The following NUP210 variants were observed in gnomAD, a reference collection of about 807,000 sequenced individuals.
The protein encoded by NUP210 is nucleoporin 210.
NUP210 carries 151 observed loss-of-function variants against 196.0 expected under a neutral mutation model. That is an observed-to-expected ratio of 0.77 (90% confidence interval 0.67 to 0.88). The LOEUF is 0.88. Among genes scored for constraint, NUP210 ranks in the 40% least tolerant of loss-of-function variants. The pLI, the probability that NUP210 is intolerant of heterozygous loss-of-function variation, is 0.00. For missense variants in NUP210, 2,314 were observed against 2,493.7 expected (o/e 0.93, Z 1.53); for synonymous variants, 1,070 against 1,052.7 (o/e 1.02, Z -0.32).
intron 22 of NUP210, 34 bp downstream of exon 22, chr3:13,341,962 G>A: frequency 1.2e-6 from 2 of 1,613,786 alleles, no homozygotes; most frequent in Non-Finnish European, 1.7e-6. Flanking sequence ...CACTGTCTCT[G>A]AGGTGCCCTC....
intron 11 of NUP210, 106 bp from the exon 12 acceptor site, chr3:13,373,979 C>G (rs1289608000): frequency 1.6e-6 from 2 of 1,278,790 alleles, no homozygotes; most frequent in African/African-American, 1.5e-5. Context: ...CACACTCATA[C>G]ACATTTATCC....
chr3:13,329,190 T>C (rs764197225), intron 30 of NUP210, among the ~76,000 whole-genome samples: 1 of 152,112 alleles, frequency 6.6e-6, no homozygotes, highest in Non-Finnish European at 1.5e-5. Context: ...CACCCAGGAG[T>C]GTCCCAATCC....
intron 20 of NUP210, 38 bp from the exon 21 acceptor site, chr3:13,343,341 G>GGGGGGGGGGGGGGGT: frequency 8.2e-7 from 1 of 1,217,962 alleles, no homozygotes. Flanking sequence ...GTGGGTGGTG[G>GGGGGGGGGGGGGGGT]GTTACGCAGC....
chr3:13,381,161 T>C (rs1039297669), intron 6 of NUP210, among the ~76,000 whole-genome samples: 3 of 152,260 alleles, frequency 2.0e-5, no homozygotes, highest in Non-Finnish European at 4.4e-5. Flanking sequence ...GCATCAAAGA[T>C]AAATGTCAGA....
chr3:13,347,860 C>G lies in NUP210; in HGVS notation c.2835+4019G>C, dbSNP rs866531001. On this transcript the variant is annotated intron_variant, in intron 20 of 39. Transcript: ENST00000254508. This position sits in a 1 kb window ranked among gnomAD's most constrained non-coding sequence, Gnocchi z 4.7. Reference sequence around the variant, plus strand: ...TTCCTCCTGCAGGCTTCAGAAGAGACCAGAGGAACCAGGGCCTGATTGGAG... The same window carrying G: ...TTCCTCCTGCAGGCTTCAGAAGAGAGCAGAGGAACCAGGGCCTGATTGGAG... Among the ~76,000 whole-genome samples the G allele has an allele frequency of 2.0e-5, 3 of 152,156 alleles. No homozygotes were observed. The highest frequency in any genetic ancestry group is 2.1e-4 in the South Asian group (1 of 4,818).
intron 28 of NUP210, among the ~76,000 whole-genome samples, chr3:13,334,247 C>A (rs565647518): frequency 8.5e-5 from 13 of 152,354 alleles, no homozygotes; most frequent in African/African-American, 9.6e-5. Context: ...AGTGACCCAA[C>A]TGAGGTTACA....
Position 13,334,966 on chromosome 3 carries a change from C to T in NUP210, c.3843+488G>A, listed in dbSNP as rs74881187. Among the ~76,000 whole-genome samples the T allele has an allele frequency of 5.9e-3, 900 of 152,364 alleles. 4 individuals carry two copies. Among genetic ancestry groups the T allele is most frequent in the Non-Finnish European group, 7.7e-3 (527 of 68,030 alleles). Reference sequence around the variant, plus strand: ...CTTACCCTGTGACCTTGACCCTCCCCGCCTCAGGGGCATCAGCAGGTGGCA... The same window carrying T: ...CTTACCCTGTGACCTTGACCCTCCCTGCCTCAGGGGCATCAGCAGGTGGCA... On this transcript the variant is annotated intron_variant, in intron 28 of 39. Coordinates refer to ENST00000254508, the MANE Select transcript of NUP210 (RefSeq NM_024923.4).
At chr3:13,338,290 T>C (rs545806587) in intron 25 of NUP210, among the ~76,000 whole-genome samples, 188 of 152,302 alleles carry the variant, frequency 1.2e-3, no homozygotes, top group African/African-American at 4.4e-3. Context: ...AAATCCAGCC[T>C]GCCTGTCTCT....
intron 2 of NUP210, among the ~76,000 whole-genome samples, chr3:13,398,317 C>A (rs189904015): frequency 4.6e-5 from 7 of 152,256 alleles, no homozygotes; most frequent in African/African-American, 1.7e-4. Context: ...GTGGCACATG[C>A]CTACAATCCC....
At position 13,392,194 on chromosome 3, in the gene NUP210, G is replaced by A. The variant is rs143329743; in HGVS notation, c.437-887C>T. ...AAGGGCAAGGTATTTAGAGTCTGACGGGCCTGGGGTCCTGCTTCTCTTCAC... is the reference window on the plus strand; with the variant it reads ...AAGGGCAAGGTATTTAGAGTCTGACAGGCCTGGGGTCCTGCTTCTCTTCAC... On this transcript the variant is annotated intron_variant, in intron 3 of 39. Coordinates refer to ENST00000254508, the MANE Select transcript of NUP210 (RefSeq NM_024923.4). 1.5e-3 allele frequency among the ~76,000 whole-genome samples: 222 copies of A among 152,262 alleles called. 2 individuals carry two copies. The highest frequency in any genetic ancestry group is 4.8e-3 in the African/African-American group (201 of 41,546).
At chr3:13,406,248 T>G (rs1699996839) in intron 1 of NUP210, among the ~76,000 whole-genome samples, 1 of 152,022 alleles carries the variant, frequency 6.6e-6, no homozygotes, top group African/African-American at 2.4e-5. Context: ...CAGAGTCTGA[T>G]ATAAGCTGCC....
intron 25 of NUP210, 61 bp downstream of exon 25, chr3:13,339,793 C>G: frequency 6.8e-7 from 1 of 1,469,010 alleles, no homozygotes; most frequent in Non-Finnish European, 9.4e-7. Context: ...AGAACTCAAA[C>G]ACAGTAAAGA....
At chr3:13,397,834 G>A (rs568152068) in intron 2 of NUP210, among the ~76,000 whole-genome samples, 17 of 152,358 alleles carry the variant, frequency 1.1e-4, no homozygotes, top group African/African-American at 3.6e-4. Context: ...TCCCAAAGAC[G>A]AGAACCCTGT....
At chr3:13,332,756 T>C (rs1697049956) in intron 28 of NUP210, among the ~76,000 whole-genome samples, 1 of 151,726 alleles carries the variant, frequency 6.6e-6, no homozygotes, top group Non-Finnish European at 1.5e-5. Flanking sequence ...GCCAAAGATA[T>C]GATGAGAAAA....
At chr3:13,411,028 C>T (rs1700159519) in intron 1 of NUP210, among the ~76,000 whole-genome samples, 2 of 151,404 alleles carry the variant, frequency 1.3e-5, no homozygotes, top group Admixed American at 1.3e-4. Context: ...TTGAAACTAA[C>T]CTGTGCAATA....
intron 11 of NUP210, among the ~76,000 whole-genome samples, chr3:13,374,323 C>T (rs1047274027): frequency 1.4e-4 from 22 of 152,208 alleles, no homozygotes; most frequent in East Asian, 7.7e-4. Flanking sequence ...TATCCTCACA[C>T]GCACACAAAC....
chr3:13,366,223 G>T, intron 13 of NUP210, 132 bp from the exon 14 acceptor site: 1 of 813,400 alleles, frequency 1.2e-6, no homozygotes, highest in Non-Finnish European at 1.9e-6. Context: ...CCGCCTCCGG[G>T]GTTCAAGTGA....
At chr3:13,403,149 TA>T (rs1699895151) in intron 1 of NUP210, among the ~76,000 whole-genome samples, 2 of 152,248 alleles carry the variant, frequency 1.3e-5, no homozygotes, top group African/African-American at 2.4e-5. Context: ...TGACATGTAG[TA>T]CTGGCTGCAT....
intron 25 of NUP210, among the ~76,000 whole-genome samples, chr3:13,339,598 TTGC>T (rs1249777348): frequency 5.9e-5 from 9 of 152,000 alleles, no homozygotes; most frequent in African/African-American, 2.2e-4. Context: ...GGGCCGGGAG[TTGC>T]TGAACACCCT....
Sources: allele counts gnomAD v4.1 joint callset (sites outside exome capture counted in the v4.1 genomes callset), GRCh38; gene constraint gnomAD v4.1.1; non-coding constraint Gnocchi (gnomAD v3.1); transcripts MANE v1.5; gene names NCBI Gene and HGNC (gene_info 2026-07-23, HGNC 2026-07-21).